RMP64: variants seen among roughly 807,000 people sequenced by gnomAD.
RMP64 encodes the protein ribonuclease MRP subunit p64, also known as nucleolus and neural progenitor protein.
chr3:113,011,118 A>G, the RMP64 span: 1 of 1,612,944 alleles, frequency 6.2e-7, no homozygotes, highest in Non-Finnish European at 8.5e-7. Flanking sequence ...TCATTTGTTT[A>G]GCTTTTTTTG....
chr3:113,017,015 A>G, the RMP64 span, among the ~76,000 whole-genome samples: 2 of 152,222 alleles, frequency 1.3e-5, no homozygotes, highest in African/African-American at 4.8e-5. Flanking sequence ...CATACCACCA[A>G]TTAGATTATG....
chr3:113,006,579 T>C, the RMP64 span, among the ~76,000 whole-genome samples: 4 of 152,236 alleles, frequency 2.6e-5, no homozygotes, highest in Admixed American at 1.3e-4. Flanking sequence ...AAACAGCTGA[T>C]CATTTTAGGT....
chr3:113,015,423 T>C, the RMP64 span, among the ~76,000 whole-genome samples: 5 of 152,190 alleles, frequency 3.3e-5, no homozygotes, highest in African/African-American at 9.7e-5. Context: ...GCTGAGAAGA[T>C]TGCAATTTTA....
At chr3:113,002,782 T>A in the RMP64 span, 1 of 155,766 alleles carries the variant, frequency 6.4e-6, no homozygotes, top group Non-Finnish European at 1.4e-5. Context: ...TTTAGCCTCA[T>A]ACTGTGCCTG....
chr3:113,005,475 C>A, the RMP64 span: 7 of 1,085,448 alleles, frequency 6.4e-6, no homozygotes, highest in Admixed American at 1.3e-4. Context: ...CTTAGCAGTT[C>A]TACTTAGAAC....
At chr3:113,005,133 A>G in the RMP64 span, 4 of 221,916 alleles carry the variant, frequency 1.8e-5, no homozygotes, top group Non-Finnish European at 2.7e-5. Flanking sequence ...TTGACCTTTC[A>G]GGTGTTTCCT....
the RMP64 span, chr3:113,005,675 A>C: frequency 6.2e-7 from 1 of 1,613,930 alleles, no homozygotes; most frequent in Non-Finnish European, 8.5e-7. Context: ...TTCATGAATC[A>C]TTTTCTCCTT....
the RMP64 span, chr3:113,013,181 TG>T: frequency 7.3e-7 from 1 of 1,369,034 alleles, no homozygotes; most frequent in Non-Finnish European, 1.0e-6. Context: ...GTAACTCCTA[TG>T]GAGTGTTAGC....
the RMP64 span, among the ~76,000 whole-genome samples, chr3:113,006,945 T>G: frequency 6.6e-6 from 1 of 152,148 alleles, no homozygotes; most frequent in African/African-American, 2.4e-5. Flanking sequence ...ATTATAAAGT[T>G]TACTACAAAT....
At chr3:113,009,290 C>A in the RMP64 span, among the ~76,000 whole-genome samples, 2 of 151,224 alleles carry the variant, frequency 1.3e-5, no homozygotes, top group Non-Finnish European at 2.9e-5. Flanking sequence ...CAAAGCTTAC[C>A]TTCTTCCAAA....
chr3:113,004,761 A>T, the RMP64 span: 3 of 152,234 alleles, frequency 2.0e-5, no homozygotes, highest in Non-Finnish European at 4.4e-5. Context: ...TCCTGGGTCT[A>T]CTTTGTATCT....
the RMP64 span, among the ~76,000 whole-genome samples, chr3:113,018,257 G>C: frequency 3.3e-5 from 5 of 152,314 alleles, no homozygotes; most frequent in South Asian, 1.0e-3. Flanking sequence ...ATTCTAAATG[G>C]AAGTAAAGGC....
chr3:113,017,595 G>T, the RMP64 span: 1 of 1,613,884 alleles, frequency 6.2e-7, no homozygotes, highest in Non-Finnish European at 8.5e-7. Context: ...CAGCTGCAAT[G>T]CAAAGGTCTG....
the RMP64 span, chr3:113,017,614 A>C: frequency 6.2e-7 from 1 of 1,610,584 alleles, no homozygotes. Flanking sequence ...TGAAGCAGAG[A>C]CATCTAATAA....
the RMP64 span, among the ~76,000 whole-genome samples, chr3:113,018,758 C>G: frequency 6.6e-6 from 1 of 152,192 alleles, no homozygotes; most frequent in Non-Finnish European, 1.5e-5. Context: ...CAAATGCTTT[C>G]TCTACATTAT....
chr3:113,005,493 T>G, the RMP64 span: 1 of 1,272,734 alleles, frequency 7.9e-7, no homozygotes, highest in African/African-American at 1.5e-5. Flanking sequence ...AACACTGAAC[T>G]AGCCTTGTTA....
chr3:113,005,792 G>A, the RMP64 span: 9 of 1,613,598 alleles, frequency 5.6e-6, no homozygotes, highest in South Asian at 8.8e-5. Flanking sequence ...CTTAGCACTG[G>A]TATCTGTAGC....
chr3:113,018,701 A>G, the RMP64 span, among the ~76,000 whole-genome samples: 6 of 152,192 alleles, frequency 3.9e-5, no homozygotes, highest in Non-Finnish European at 5.9e-5. Flanking sequence ...TTTAATATTC[A>G]TAACAGCTTC....
chr3:113,015,067 T>C, the RMP64 span: 9 of 152,260 alleles, frequency 5.9e-5, no homozygotes, highest in African/African-American at 1.9e-4. Flanking sequence ...TCTAGAAGTA[T>C]ATTTGCAGCT....
Sources: gnomAD v4.1 joint callset for allele counts (sites outside exome capture counted in the v4.1 genomes callset) on GRCh38, gnomAD v4.1.1 for gene constraint, MANE v1.5 for transcripts, NCBI Gene and HGNC (gene_info 2026-07-23, HGNC 2026-07-21) for gene names.